Variants in WDR7 observed in about 807,000 individuals in gnomAD.
WDR7 encodes the protein WD repeat-containing protein 7.
WDR7 carries 46 observed loss-of-function variants against 169.4 expected under a neutral mutation model. The ratio of observed to expected loss-of-function variants is 0.27; its 90% CI spans 0.21 to 0.35. The LOEUF (loss-of-function observed/expected upper bound fraction) is 0.35. Among genes scored for constraint, WDR7 ranks in the 10% least tolerant of loss-of-function variants. WDR7 has a pLI of 1.00. For missense variants in WDR7, 1,534 were observed against 1,859.3 expected, an observed-to-expected ratio of 0.83 and a Z score of 3.22; for synonymous variants, 612 against 666.8, an observed-to-expected ratio of 0.92 and a Z score of 1.27.
chr18:56,889,504 TGAA>T (rs2046237853), intron 21 of WDR7, among the ~76,000 whole-genome samples: 1 of 152,196 alleles, frequency 6.6e-6, no homozygotes, highest in Non-Finnish European at 1.5e-5. Flanking sequence ...ATTTATCAGA[TGAA>T]GAAACTGAAG....
At chr18:56,762,584 G>A (rs999258562) in intron 16 of WDR7, among the ~76,000 whole-genome samples, 2 of 151,654 alleles carry the variant, frequency 1.3e-5, no homozygotes, top group African/African-American at 4.9e-5. Flanking sequence ...TAATCTCTCT[G>A]GTATCTGTAA....
chr18:57,030,413 T>G (rs1019696557), downstream of WDR7: 5 of 152,192 alleles, frequency 3.3e-5, no homozygotes, highest in Non-Finnish European at 5.9e-5. Flanking sequence ...TGGGCCCTAT[T>G]AAATGCCCAC....
chr18:56,729,136 T>C (rs1317405030), intron 13 of WDR7, among the ~76,000 whole-genome samples: 1 of 152,206 alleles, frequency 6.6e-6, no homozygotes, highest in Non-Finnish European at 1.5e-5. Flanking sequence ...GAAAGTCACT[T>C]AAGCCTTTCC....
chr18:56,680,657 C>G (rs942011985), intron 3 of WDR7, among the ~76,000 whole-genome samples: 1 of 152,072 alleles, frequency 6.6e-6, no homozygotes. Flanking sequence ...GTTGACATTT[C>G]TAATTTTCAA....
chr18:56,892,974 A>G (rs71353984), intron 21 of WDR7, among the ~76,000 whole-genome samples: 1,576 of 152,136 alleles, frequency 0.01, 30 homozygotes, highest in African/African-American at 0.034. Context: ...CAAAATGAGA[A>G]CTGTACCCTT....
At position 56,973,016 on chromosome 18, in the gene WDR7, G is replaced by A. The variant is rs147060359; in HGVS notation, c.4164+10487G>A. Among the ~76,000 whole-genome samples, 17 of 152,050 alleles carry A rather than the reference G, an allele frequency of 1.1e-4. No individual in the cohort carries two copies. In the East Asian group the frequency reaches 2.9e-3, roughly 26 times the overall value. The stretch of plus-strand genomic sequence containing the variant: ...GTAGCTGGGATTACAGGTGTGTGCC[G>A]CCATGCCCAGCTAATTTTTCTTTGT... On this transcript the variant is annotated intron_variant, in intron 26 of 27. Transcript: ENST00000254442.
chr18:56,798,617 T>C (rs73434889), intron 19 of WDR7, among the ~76,000 whole-genome samples: 2,637 of 152,328 alleles, frequency 0.017, 78 homozygotes, highest in African/African-American at 0.059. Flanking sequence ...TGTTTATGCT[T>C]ATGTTATTGA....
At chr18:56,827,208 T>C (rs7242027) in intron 20 of WDR7, among the ~76,000 whole-genome samples, 114,099 of 152,108 alleles carry the variant, frequency 0.75, 43,084 homozygotes, top group East Asian at 0.83. Context: ...ACAGCTTCCT[T>C]ACTTGTTCAT....
At chr18:56,664,030 A>G (rs1047753491) in intron 1 of WDR7, among the ~76,000 whole-genome samples, 4 of 152,190 alleles carry the variant, frequency 2.6e-5, no homozygotes, top group Non-Finnish European at 2.9e-5. Flanking sequence ...ATTGCAAAAA[A>G]TCAGCAATGT....
intron 26 of WDR7, among the ~76,000 whole-genome samples, chr18:57,012,033 G>C (rs1249531326): frequency 6.6e-6 from 1 of 152,168 alleles, no homozygotes; most frequent in Admixed American, 6.5e-5. Context: ...ACCAGGGAGG[G>C]AGGCTGCTGG....
At chr18:57,023,364 C>T (rs572927053) in intron 27 of WDR7, among the ~76,000 whole-genome samples, 88 of 152,202 alleles carry the variant, frequency 5.8e-4, no homozygotes, top group African/African-American at 2.0e-3. Context: ...TAATACAGAG[C>T]CTTACTAAAG....
intron 20 of WDR7, among the ~76,000 whole-genome samples, chr18:56,816,975 A>C (rs953262903): frequency 5.9e-5 from 9 of 152,330 alleles, no homozygotes; most frequent in African/African-American, 2.2e-4. Flanking sequence ...AAGTACGCCC[A>C]GAAAATATTA....
chr18:56,965,970 T>G (rs1188052016), intron 26 of WDR7, among the ~76,000 whole-genome samples: 1 of 152,184 alleles, frequency 6.6e-6, no homozygotes, highest in Non-Finnish European at 1.5e-5. Flanking sequence ...AGCTTCCTGA[T>G]TTGTAAAATC....
At chr18:56,694,853 T>C in intron 10 of WDR7, 93 bp downstream of exon 10, 1 of 1,533,782 alleles carries the variant, frequency 6.5e-7, no homozygotes. Flanking sequence ...TATATCATTT[T>C]CTTTGATTAC....
At chr18:57,012,054 G>T (rs1201575317) in intron 26 of WDR7, among the ~76,000 whole-genome samples, 2 of 152,100 alleles carry the variant, frequency 1.3e-5, no homozygotes, top group Non-Finnish European at 2.9e-5. Flanking sequence ...TGAGAGAGAT[G>T]GGGCTACCAT....
intron 1 of WDR7, among the ~76,000 whole-genome samples, chr18:56,668,571 C>T (rs2025068936): frequency 6.6e-6 from 1 of 152,152 alleles, no homozygotes; most frequent in Non-Finnish European, 1.5e-5. Flanking sequence ...ATGGCATTGG[C>T]ATGAACTAGA....
intron 20 of WDR7, among the ~76,000 whole-genome samples, chr18:56,822,949 G>A (rs887827659): frequency 6.6e-5 from 10 of 152,038 alleles, no homozygotes; most frequent in Admixed American, 2.6e-4. Flanking sequence ...AGAAGAAACC[G>A]TATATGAAAA....
intron 2 of WDR7, among the ~76,000 whole-genome samples, chr18:56,674,163 T>A (rs2025194501): frequency 1.3e-5 from 2 of 152,172 alleles, no homozygotes; most frequent in Non-Finnish European, 2.9e-5. Flanking sequence ...AATTGTGGGA[T>A]CGTATGGTAG....
intron 25 of WDR7, among the ~76,000 whole-genome samples, chr18:56,959,310 A>C (rs1256562629): frequency 6.6e-6 from 1 of 152,172 alleles, no homozygotes; most frequent in Non-Finnish European, 1.5e-5. Context: ...ATTGTTGAAA[A>C]GTTACTCTGA....
Sources: gnomAD v4.1 joint callset for allele counts (sites outside exome capture counted in the v4.1 genomes callset) on GRCh38, gnomAD v4.1.1 for gene constraint, MANE v1.5 for transcripts, NCBI Gene and HGNC (gene_info 2026-07-23, HGNC 2026-07-21) for gene names.